The following ARHGEF10L variants were observed in gnomAD, a reference collection of about 807,000 sequenced individuals.
ARHGEF10L encodes rho guanine nucleotide exchange factor 10-like protein.
In ARHGEF10L, 69 loss-of-function variants were observed where a neutral mutation model predicts 141.2. The observed-to-expected ratio is 0.49, with a 90% CI of 0.40 to 0.60. ARHGEF10L has a LOEUF of 0.60. ARHGEF10L is among the 20% of genes least tolerant of loss of function. The pLI is 0.00. For synonymous variants in ARHGEF10L, 711 were observed against 718.5 expected (o/e 0.99, Z 0.17); for missense variants, 1,482 against 1,734.3 (o/e 0.85, Z 2.58).
At chr1:17,640,538 A>G (rs1207258964) in intron 21 of ARHGEF10L, among the ~76,000 whole-genome samples, 1 of 152,176 alleles carries the variant, frequency 6.6e-6, no homozygotes, top group Middle Eastern at 3.2e-3. Context: ...CCAGGAATTG[A>G]TGGAACTTGA....
At chr1:17,681,516 T>C (rs185527859) in intron 26 of ARHGEF10L, among the ~76,000 whole-genome samples, 46 of 152,346 alleles carry the variant, frequency 3.0e-4, no homozygotes, top group African/African-American at 1.0e-3. Flanking sequence ...CTTCATGATA[T>C]TGACTTTGTT....
In ARHGEF10L at chr1:17,664,553, GC is replaced by G; in HGVS notation, c.2971del (p.Arg991GlyfsTer24). ...LEDAVWASCG[P>X]RVTVLEATTL... is the part of the protein sequence containing the mutation. ...AGGATGCCGTGTGGGCCAGCTGTGGGCCCCGGGTCACTGTCCTGGAAGCCAC... is the reference window on the plus strand; with the variant it reads ...AGGATGCCGTGTGGGCCAGCTGTGGGCCCGGGTCACTGTCCTGGAAGCCAC... On this transcript the variant is annotated frameshift_variant, in exon 26 of 29. Coordinates refer to ENST00000361221, the MANE Select transcript of ARHGEF10L (RefSeq NM_018125.4). LOFTEE classifies it high-confidence loss of function. 1 of 1,606,572 alleles carries G rather than the reference GC, an allele frequency of 6.2e-7. No homozygotes were observed.
In ARHGEF10L at chr1:17,656,830, G is replaced by A; in HGVS notation, c.2860+122G>A. 7.8e-7 allele frequency: 1 copy of A among 1,287,170 alleles called. No individual in the cohort carries two copies. Among genetic ancestry groups the A allele is most frequent in the Non-Finnish European group, 1.0e-6 (1 of 953,000 alleles). 79.7% of individuals were successfully genotyped at this position (1,287,170 alleles called of 1,614,324 possible). A position where few individuals can be genotyped will look rare whatever the true frequency, so the allele number is the denominator to read the frequency against. ...ATGAATTGGGAAATCTCAGTGCTGAGGGCATTTGGAGATCCGTGAGCCCCG... is the reference window on the plus strand; with the variant it reads ...ATGAATTGGGAAATCTCAGTGCTGAAGGCATTTGGAGATCCGTGAGCCCCG... On this transcript the variant is annotated intron_variant, in intron 25 of 28. Transcript: ENST00000361221. The surrounding 1 kb of genome is among the most constrained non-coding windows in gnomAD (Gnocchi z 4.9).
chr1:17,580,431 G>A, intron 1 of ARHGEF10L, 122 bp from the exon 2 acceptor site: 1 of 777,254 alleles, frequency 1.3e-6, no homozygotes, highest in Non-Finnish European at 2.2e-6. Flanking sequence ...GCCTTTCTGG[G>A]GCTGCCCTGT....
intron 9 of ARHGEF10L, chr1:17,618,484 G>A (rs755760515): frequency 1.1e-5 from 16 of 1,463,384 alleles, no homozygotes; most frequent in Non-Finnish European, 1.4e-5. Context: ...GCCGTCATCC[G>A]CTGTCCCTCC....
the ARHGEF10L span, among the ~76,000 whole-genome samples, chr1:17,520,433 C>T: frequency 6.6e-6 from 1 of 152,266 alleles, no homozygotes; most frequent in Admixed American, 6.5e-5. Flanking sequence ...TCCCGGAGGA[C>T]TGCGATTGGA....
At chr1:17,570,538 G>C (rs1473658684) in intron 1 of ARHGEF10L, among the ~76,000 whole-genome samples, 2 of 152,020 alleles carry the variant, frequency 1.3e-5, no homozygotes, top group African/African-American at 2.4e-5. Flanking sequence ...CATGAAGTCG[G>C]GGGGGTTGTG....
At chr1:17,602,675 C>T (rs570336318) in intron 5 of ARHGEF10L, among the ~76,000 whole-genome samples, 2 of 152,246 alleles carry the variant, frequency 1.3e-5, no homozygotes, top group Admixed American at 1.3e-4. Flanking sequence ...GCAAGGGCCT[C>T]ATCTGTGGGG....
intron 25 of ARHGEF10L, among the ~76,000 whole-genome samples, chr1:17,659,599 CCT>C (rs1219908961): frequency 6.6e-6 from 1 of 152,206 alleles, no homozygotes; most frequent in Non-Finnish European, 1.5e-5. Context: ...TCTGTATCAA[CCT>C]CAGAACCCAC....
At chr1:17,514,683 T>C in the ARHGEF10L span, among the ~76,000 whole-genome samples, 1 of 152,234 alleles carries the variant, frequency 6.6e-6, no homozygotes, top group Admixed American at 6.5e-5. Flanking sequence ...TCAGAAGATT[T>C]AGAAAGATGC....
At chr1:17,583,479 C>T (rs1249410413) in intron 2 of ARHGEF10L, among the ~76,000 whole-genome samples, 1 of 152,180 alleles carries the variant, frequency 6.6e-6, no homozygotes, top group Non-Finnish European at 1.5e-5. Flanking sequence ...GCACCCTGCA[C>T]CAGGTGCTTT....
At chr1:17,640,077 G>A (rs1385902929) in intron 20 of ARHGEF10L, 125 bp from the exon 21 acceptor site, 1 of 1,483,732 alleles carries the variant, frequency 6.7e-7, no homozygotes, top group African/African-American at 1.4e-5. Flanking sequence ...ACGTTTTGGG[G>A]ATGCTCTGAC....
intron 4 of ARHGEF10L, among the ~76,000 whole-genome samples, chr1:17,600,201 G>A (rs2080503605): frequency 6.6e-6 from 1 of 152,218 alleles, no homozygotes; most frequent in Non-Finnish European, 1.5e-5. Context: ...AGAGGGCCTG[G>A]CTCACAGGAG....
At chr1:17,552,315 T>C (rs551253578) in intron 1 of ARHGEF10L, among the ~76,000 whole-genome samples, 124 of 152,286 alleles carry the variant, frequency 8.1e-4, no homozygotes, top group African/African-American at 2.8e-3. Context: ...TAATATGAAA[T>C]GTGACCAATA....
At chr1:17,535,073 T>G (rs1388025669), upstream of ARHGEF10L, among the ~76,000 whole-genome samples, 4 of 152,154 alleles carry the variant, frequency 2.6e-5, no homozygotes, top group East Asian at 7.7e-4. Flanking sequence ...AATGAAATAA[T>G]TATACAACTC....
intron 4 of ARHGEF10L, among the ~76,000 whole-genome samples, chr1:17,595,009 C>T (rs2100795776): frequency 6.6e-6 from 1 of 152,220 alleles, no homozygotes; most frequent in East Asian, 1.9e-4. Context: ...CAGTCCATCC[C>T]TCCTCCCTAC....
intron 1 of ARHGEF10L, among the ~76,000 whole-genome samples, chr1:17,553,383 G>A (rs114934537): frequency 1.9e-3 from 287 of 152,320 alleles, no homozygotes; most frequent in African/African-American, 6.6e-3. Flanking sequence ...CTAGGAATCT[G>A]TAAGAGTCAA....
chr1:17,514,472 G>T, the ARHGEF10L span, among the ~76,000 whole-genome samples: 1 of 152,132 alleles, frequency 6.6e-6, no homozygotes, highest in Non-Finnish European at 1.5e-5. Flanking sequence ...GAATGTGACT[G>T]TCGAGTGGGC....
chr1:17,564,883 G>A (rs1318283746), intron 1 of ARHGEF10L, among the ~76,000 whole-genome samples: 1 of 152,212 alleles, frequency 6.6e-6, no homozygotes, highest in East Asian at 1.9e-4. Flanking sequence ...TGTGCCCTGT[G>A]GCTGGCACCT....
Sources: allele counts gnomAD v4.1 joint callset (sites outside exome capture counted in the v4.1 genomes callset), GRCh38; gene constraint gnomAD v4.1.1; non-coding constraint Gnocchi (gnomAD v3.1); transcripts MANE v1.5; gene names NCBI Gene and HGNC (gene_info 2026-07-23, HGNC 2026-07-21).